LY86: variants seen among roughly 807,000 people sequenced by gnomAD.
LY86 encodes lymphocyte antigen 86.
In LY86, 20 loss-of-function variants were observed where a neutral mutation model predicts 17.3. The observed-to-expected ratio is 1.15, with a 90% CI of 0.81 to 1.68. LY86 has a LOEUF of 1.68. LY86 is among the 40% of genes most tolerant of loss of function. LY86 has a pLI of 0.00. For synonymous variants in LY86, 74 were observed against 70.6 expected (o/e 1.05, Z -0.24); for missense variants, 200 against 191.9 (o/e 1.04, Z -0.25).
intron 1 of LY86, among the ~76,000 whole-genome samples, chr6:6,594,253 G>A (rs182262564): frequency 1.6e-4 from 25 of 152,328 alleles, no homozygotes; most frequent in South Asian, 8.3e-4. Flanking sequence ...ACTAGAGCCC[G>A]CAGGCCAAAC....
chr6:6,646,986 GT>G (rs80238330), intron 3 of LY86, among the ~76,000 whole-genome samples: 38,883 of 151,974 alleles, frequency 0.26, 5,083 homozygotes, highest in South Asian at 0.32. Flanking sequence ...CTTCCCCACT[GT>G]CCATGAATAT....
chr6:6,599,723 G>C (rs77147861), intron 1 of LY86, among the ~76,000 whole-genome samples: 2,926 of 152,312 alleles, frequency 0.019, 67 homozygotes, highest in East Asian at 0.06. Context: ...GTTCAGGCAA[G>C]ATAAAGAGCC....
intron 1 of LY86, among the ~76,000 whole-genome samples, chr6:6,608,427 CCCT>C (rs1423886009): frequency 2.6e-5 from 4 of 152,270 alleles, no homozygotes; most frequent in South Asian, 2.1e-4. Context: ...ACAATTGTGT[CCCT>C]CCTCCTTTTG....
chr6:6,631,081 C>T (rs1404687964), intron 3 of LY86, among the ~76,000 whole-genome samples: 4 of 152,036 alleles, frequency 2.6e-5, no homozygotes, highest in Non-Finnish European at 2.9e-5. Context: ...GTGTGACTCT[C>T]TTTAATGTTT....
intron 1 of LY86, among the ~76,000 whole-genome samples, chr6:6,613,804 T>C (rs927128550): frequency 6.6e-6 from 1 of 152,212 alleles, no homozygotes; most frequent in African/African-American, 2.4e-5. Flanking sequence ...CACCTCTCAA[T>C]AGGGCCCCTT....
chr6:6,609,809 C>G (rs753374059), intron 1 of LY86, among the ~76,000 whole-genome samples: 5 of 151,818 alleles, frequency 3.3e-5, no homozygotes, highest in Non-Finnish European at 7.4e-5. Flanking sequence ...GGAAGCAAAC[C>G]CATAAACATG....
intron 1 of LY86, among the ~76,000 whole-genome samples, chr6:6,613,233 G>A (rs922543570): frequency 5.9e-5 from 9 of 151,976 alleles, no homozygotes; most frequent in Admixed American, 5.2e-4. Flanking sequence ...TCCGGCACTA[G>A]GGCCGCAGGT....
chr6:6,604,110 GGC>G (rs1761014550), intron 1 of LY86, among the ~76,000 whole-genome samples: 1 of 152,068 alleles, frequency 6.6e-6, no homozygotes, highest in African/African-American at 2.4e-5. Flanking sequence ...GAGGCATATA[GGC>G]AGAAGGAAAT....
chr6:6,633,489 G>A (rs1761922399), intron 3 of LY86, among the ~76,000 whole-genome samples: 1 of 152,150 alleles, frequency 6.6e-6, no homozygotes, highest in Admixed American at 6.5e-5. Context: ...TAACTGCACA[G>A]ATCATCCCAT....
At chr6:6,631,439 A>G (rs1761897713) in intron 3 of LY86, among the ~76,000 whole-genome samples, 2 of 152,206 alleles carry the variant, frequency 1.3e-5, no homozygotes, top group South Asian at 4.1e-4. Context: ...CTCCACTAAG[A>G]CCGGAAAAAG....
At chr6:6,650,969 C>G (rs893436601) in intron 4 of LY86, among the ~76,000 whole-genome samples, 1 of 152,188 alleles carries the variant, frequency 6.6e-6, no homozygotes, top group African/African-American at 2.4e-5. Flanking sequence ...TGAGAATAAA[C>G]AATATTTGTA....
At chr6:6,606,241 G>A (rs955709003) in intron 1 of LY86, among the ~76,000 whole-genome samples, 27 of 152,252 alleles carry the variant, frequency 1.8e-4, no homozygotes, top group African/African-American at 5.3e-4. Flanking sequence ...GAGTGTGGAC[G>A]CAAAGGTTCT....
intron 1 of LY86, among the ~76,000 whole-genome samples, chr6:6,617,185 A>G (rs941588455): frequency 2.0e-5 from 3 of 152,260 alleles, no homozygotes; most frequent in African/African-American, 7.2e-5. Flanking sequence ...AGGAAGCCCT[A>G]GTAATCTGGT....
At chr6:6,612,440 T>C (rs1207006488) in intron 1 of LY86, among the ~76,000 whole-genome samples, 1 of 152,150 alleles carries the variant, frequency 6.6e-6, no homozygotes, top group African/African-American at 2.4e-5. Context: ...ACCGCAAACC[T>C]TCATGGGGAG....
chr6:6,613,338 G>GA (rs1481735341), intron 1 of LY86, among the ~76,000 whole-genome samples: 1 of 152,170 alleles, frequency 6.6e-6, no homozygotes, highest in African/African-American at 2.4e-5. Flanking sequence ...GGCGCTGCTC[G>GA]TCGGGGAGGC....
At chr6:6,596,480 C>G (rs148474911) in intron 1 of LY86, among the ~76,000 whole-genome samples, 2 of 152,298 alleles carry the variant, frequency 1.3e-5, no homozygotes, top group South Asian at 2.1e-4. Context: ...AGCAATTTCT[C>G]TCTTCATTTA....
chr6:6,604,787 A>G (rs1465096041), intron 1 of LY86, among the ~76,000 whole-genome samples: 2 of 152,100 alleles, frequency 1.3e-5, no homozygotes, highest in Non-Finnish European at 2.9e-5. Flanking sequence ...GAGATTCGTA[A>G]AAGAAATTTC....
intron 3 of LY86, among the ~76,000 whole-genome samples, chr6:6,630,357 A>G (rs980619117): frequency 1.3e-5 from 2 of 152,244 alleles, no homozygotes; most frequent in Admixed American, 6.5e-5. Flanking sequence ...GGATACCCAC[A>G]GCCCCATTTA....
intron 1 of LY86, among the ~76,000 whole-genome samples, chr6:6,609,077 C>A (rs548131346): frequency 6.6e-6 from 1 of 152,316 alleles, no homozygotes; most frequent in African/African-American, 2.4e-5. Context: ...AAGCCAACCG[C>A]AGCTCTGCTT....
Sources: gnomAD v4.1 joint callset for allele counts (sites outside exome capture counted in the v4.1 genomes callset) on GRCh38, gnomAD v4.1.1 for gene constraint, MANE v1.5 for transcripts, NCBI Gene and HGNC (gene_info 2026-07-23, HGNC 2026-07-21) for gene names.